Variants in DCAF1 observed in about 807,000 individuals in gnomAD.
DCAF1 encodes DDB1 and CUL4 associated factor 1, also known as DDB1- and CUL4-associated factor 1.
A neutral mutation model predicts 128.0 loss-of-function variants in DCAF1; 15 were observed. The observed-to-expected ratio is 0.12, with a 90% CI of 0.08 to 0.18. DCAF1 has a LOEUF of 0.18. Ranked by LOEUF, DCAF1 falls within the 10% of genes least tolerant of loss-of-function variation. The probability of loss-of-function intolerance (pLI) is 1.00; values close to 1 mark genes in which losing one functional copy is unlikely to be tolerated. For synonymous variants in DCAF1, 610 were observed against 603.0 expected (o/e 1.01, Z -0.17); for missense variants, 988 against 1,649.5 (o/e 0.60, Z 6.95).
At chr3:51,502,769 A>C (rs1577359369), upstream of DCAF1, among the ~76,000 whole-genome samples, 2 of 151,856 alleles carry the variant, frequency 1.3e-5, no homozygotes, top group South Asian at 4.2e-4. Context: ...ACCCCTGCCA[A>C]CACCTCCCCC....
intron 3 of DCAF1, among the ~76,000 whole-genome samples, chr3:51,473,068 G>A (rs1704950614): frequency 6.7e-6 from 1 of 149,600 alleles, no homozygotes; most frequent in African/African-American, 2.4e-5. Flanking sequence ...CCTGAGGTCA[G>A]GAGTTCGAGA....
chr3:51,402,592 G>A (rs1172469797), intron 24 of DCAF1, among the ~76,000 whole-genome samples: 2 of 6,802 alleles, frequency 2.9e-4, no homozygotes, highest in Middle Eastern at 0.071. Flanking sequence ...TTTTTTTTTT[G>A]AGATGGAGTC....
intron 14 of DCAF1, 31 bp downstream of exon 14, chr3:51,422,276 G>T: frequency 1.3e-6 from 1 of 748,212 alleles, no homozygotes; most frequent in Non-Finnish European, 2.5e-6. Flanking sequence ...TCCAGACCAA[G>T]AAACAACAAA....
At chr3:51,432,460 G>C (rs1380943149) in intron 10 of DCAF1, among the ~76,000 whole-genome samples, 1 of 150,602 alleles carries the variant, frequency 6.6e-6, no homozygotes, top group Non-Finnish European at 1.5e-5. Flanking sequence ...TAGGTCTGTT[G>C]TGTGTTTTTT....
chr3:51,503,099 T>C (rs1364010864), upstream of DCAF1, among the ~76,000 whole-genome samples: 3 of 152,168 alleles, frequency 2.0e-5, no homozygotes, highest in Admixed American at 6.5e-5. Flanking sequence ...ATTGACCTCT[T>C]TGGTAGGACA....
rs1417986195 is a variant in DCAF1 at position 51,466,032 on chromosome 3, CTACTAAACA to C, written c.261+762_261+770del. On this transcript the variant is annotated intron_variant, in intron 5 of 24. Transcript: ENST00000684031. The stretch of plus-strand genomic sequence containing the variant: ...TGGCCAACATGGTGAAAGCCCATCT[CTACTAAACA>C]TACAAAAAAATAAGGCAGGTGTGGT... Among the ~76,000 whole-genome samples, 56 of 152,098 alleles carry C rather than the reference CTACTAAACA, an allele frequency of 3.7e-4. 1 individual carries two copies. The highest frequency in any genetic ancestry group is 3.1e-3 in the Admixed American group (48 of 15,246).
intron 2 of DCAF1, among the ~76,000 whole-genome samples, chr3:51,495,904 G>C (rs930071781): frequency 6.6e-6 from 1 of 151,792 alleles, no homozygotes; most frequent in Non-Finnish European, 1.5e-5. Flanking sequence ...TGAAGCAAGA[G>C]AACTGCTTGA....
chr3:51,482,021 A>G (rs1706264659), intron 3 of DCAF1, among the ~76,000 whole-genome samples: 1 of 152,140 alleles, frequency 6.6e-6, no homozygotes, highest in African/African-American at 2.4e-5. Flanking sequence ...AAAGTTTTTC[A>G]GTTTAAAACC....
chr3:51,403,821 T>G (rs1254540946), intron 23 of DCAF1, among the ~76,000 whole-genome samples: 1 of 152,202 alleles, frequency 6.6e-6, no homozygotes, highest in Non-Finnish European at 1.5e-5. Flanking sequence ...CAACTGCTCA[T>G]TATCTCCTCA....
chr3:51,427,966 G>A (rs1700045751), intron 12 of DCAF1, among the ~76,000 whole-genome samples: 1 of 151,976 alleles, frequency 6.6e-6, no homozygotes, highest in East Asian at 1.9e-4. Context: ...GCTTGGCCAA[G>A]GTTTTAATTA....
chr3:51,457,790 AG>A (rs1703086207), intron 6 of DCAF1, among the ~76,000 whole-genome samples: 1 of 152,222 alleles, frequency 6.6e-6, no homozygotes, highest in Non-Finnish European at 1.5e-5. Flanking sequence ...TTTTCAACCC[AG>A]AATCTCATAT....
At chr3:51,452,962 G>A (rs1702508041) in intron 6 of DCAF1, among the ~76,000 whole-genome samples, 1 of 149,372 alleles carries the variant, frequency 6.7e-6, no homozygotes, top group African/African-American at 2.5e-5. Context: ...GTTGCAGTGA[G>A]CCGAGATCAC....
At chr3:51,503,577 A>G (rs954625389), upstream of DCAF1, among the ~76,000 whole-genome samples, 1 of 152,146 alleles carries the variant, frequency 6.6e-6, no homozygotes, top group African/African-American at 2.4e-5. Context: ...CCTGTTGGCT[A>G]GACAAGACTG....
intron 6 of DCAF1, among the ~76,000 whole-genome samples, chr3:51,452,670 G>T (rs1702470205): frequency 6.6e-6 from 1 of 152,148 alleles, no homozygotes; most frequent in Admixed American, 6.6e-5. Flanking sequence ...AACCAGAGAT[G>T]ATTTTCCTAC....
At chr3:51,397,399 A>G (rs1296511001), downstream of DCAF1, 1 of 167,134 alleles carries the variant, frequency 6.0e-6, no homozygotes, top group Non-Finnish European at 1.5e-5. Context: ...AGGATGCTCA[A>G]GTCCACTGTC....
chr3:51,484,735 T>G (rs1340285874), intron 2 of DCAF1, among the ~76,000 whole-genome samples: 1 of 144,488 alleles, frequency 6.9e-6, no homozygotes, highest in South Asian at 2.2e-4. Flanking sequence ...CAGGCTGGAG[T>G]GCAATGGCAC....
rs782698857 is a variant in DCAF1, at chr3:51,412,979, C to A, written c.4110+14G>T. The A allele has an allele frequency of 5.0e-6, 8 of 1,613,420 alleles. No individual in the cohort carries two copies. The highest frequency in any genetic ancestry group is 3.3e-4 in the Middle Eastern group (2 of 6,084). Reference sequence around the variant, plus strand: ...TCAGAACAAAAGAGCAGGGCCTCTGCAAGCTCCCTTTACCTCAATGACAGC... The same window carrying A: ...TCAGAACAAAAGAGCAGGGCCTCTGAAAGCTCCCTTTACCTCAATGACAGC... On this transcript the variant is annotated intron_variant, in intron 22 of 24. Transcript: ENST00000684031.
chr3:51,416,005 A>G lies in DCAF1; in HGVS notation c.3603+782T>C, dbSNP rs1043545949. On this transcript the variant is annotated intron_variant, in intron 18 of 24. Transcript: ENST00000684031. Reference sequence around the variant, plus strand: ...ATTTCTCATAGCCTCTACCATGCCTACCCAGGCCCAAACCCACAGCTCCTC... The same window carrying G: ...ATTTCTCATAGCCTCTACCATGCCTGCCCAGGCCCAAACCCACAGCTCCTC... Among the ~76,000 whole-genome samples, 7 of 152,066 alleles carry G rather than the reference A, an allele frequency of 4.6e-5. No individual in the cohort carries two copies. The East Asian group carries it at 5.8e-4, about 13-fold the overall frequency.
chr3:51,472,592 T>C (rs981909775), intron 3 of DCAF1, among the ~76,000 whole-genome samples: 14 of 152,144 alleles, frequency 9.2e-5, no homozygotes, highest in African/African-American at 2.9e-4. Flanking sequence ...ATAATCTTTT[T>C]ACATCTAACT....
Sources: allele counts gnomAD v4.1 joint callset (sites outside exome capture counted in the v4.1 genomes callset), GRCh38; gene constraint gnomAD v4.1.1; transcripts MANE v1.5; gene names NCBI Gene and HGNC (gene_info 2026-07-23, HGNC 2026-07-21).